The following HDAC7 variants were observed in gnomAD, a reference collection of about 807,000 sequenced individuals.
HDAC7 encodes the protein histone deacetylase 7.
Under a neutral mutation model 115.5 loss-of-function variants are expected in HDAC7, and 26 were observed. The ratio of observed to expected loss-of-function variants is 0.23; its 90% CI spans 0.16 to 0.31. The LOEUF (loss-of-function observed/expected upper bound fraction) is 0.31, where lower values mean the gene tolerates loss of function less well. Ranked by LOEUF, HDAC7 falls within the 10% of genes least tolerant of loss-of-function variation. The pLI, the probability that HDAC7 is intolerant of heterozygous loss-of-function variation, is 1.00. For missense variants in HDAC7, 1,068 were observed against 1,329.0 expected (o/e 0.80, Z 3.05); for synonymous variants, 564 against 550.9 (o/e 1.02, Z -0.33).
chr12:47,792,840 A>G, intron 13 of HDAC7: 1 of 376,984 alleles, frequency 2.7e-6, no homozygotes, highest in Non-Finnish European at 5.3e-6. Context: ...AGGATTCATA[A>G]TATGTTAACT....
chr12:47,790,815 T>G, intron 16 of HDAC7: 1 of 216,762 alleles, frequency 4.6e-6, no homozygotes, highest in Non-Finnish European at 9.4e-6. Flanking sequence ...AGTGCTGGGA[T>G]CGCCAAGGAC....
chr12:47,807,106 A>AT (rs1286807537), intron 1 of HDAC7, among the ~76,000 whole-genome samples: 2 of 151,928 alleles, frequency 1.3e-5, no homozygotes, highest in African/African-American at 4.8e-5. Context: ...AGCCCAGCTA[A>AT]TTTTTGTATT....
chr12:47,791,975 G>A lies in HDAC7; in HGVS notation c.1708C>T (p.His570Tyr). The change falls in exon 14 of 26, where the codon CAC becomes TAC. Residue 570 changes from histidine to tyrosine, a missense_variant. Transcript: ENST00000080059. ...GLIYDSVMLK[H>Y]QCSCGDNSRH... ...CTGTTGTCACCGCAGGAGCACTGGTGCTTCAGCATGACCGAGTCATAGATC... is the reference window on the plus strand; with the variant it reads ...CTGTTGTCACCGCAGGAGCACTGGTACTTCAGCATGACCGAGTCATAGATC... 1 of 1,610,784 alleles carries A rather than the reference G, an allele frequency of 6.2e-7. No individual in the cohort carries two copies. Among genetic ancestry groups the A allele is most frequent in the Non-Finnish European group, 8.5e-7 (1 of 1,178,524 alleles).
At position 47,793,242 on chromosome 12, in the gene HDAC7, C is replaced by T; in HGVS notation, c.1678+127G>A. 1.5e-6 allele frequency: 1 copy of T among 670,730 alleles called. No individual in the cohort carries two copies. 41.5% of individuals were successfully genotyped at this position (670,730 alleles called of 1,614,324 possible). On this transcript the variant is annotated intron_variant, in intron 13 of 25. Coordinates refer to ENST00000080059, the MANE Select transcript of HDAC7 (RefSeq NM_015401.5). The surrounding 1 kb of genome is among the most constrained non-coding windows in gnomAD (Gnocchi z 4.5). The stretch of plus-strand genomic sequence containing the variant: ...AGCTGTTCCATGTGCTCCATGGGTA[C>T]TACGTGGGCCTAACAAGGCTAAGCA...
chr12:47,808,765 T>A (rs556992315), intron 1 of HDAC7, among the ~76,000 whole-genome samples: 2 of 152,184 alleles, frequency 1.3e-5, no homozygotes, highest in Non-Finnish European at 2.9e-5. Context: ...GCTTATAGCC[T>A]GGCCTGCCCC....
intron 1 of HDAC7, chr12:47,819,049 C>G (rs753993905): frequency 6.6e-6 from 1 of 152,528 alleles, no homozygotes; most frequent in African/African-American, 2.4e-5. Context: ...CACATCCTGT[C>G]CCCCACCCCT....
At position 47,793,343 on chromosome 12, in the gene HDAC7, A is replaced by ACCCCCC; in HGVS notation, c.1678+25_1678+26insGGGGGG. 1.4e-6 allele frequency: 1 copy of ACCCCCC among 693,378 alleles called. No homozygotes were observed. Among genetic ancestry groups the ACCCCCC allele is most frequent in the East Asian group, 4.7e-5 (1 of 21,134 alleles). The allele number at this position is 693,378 out of a possible 1,614,324, so 43.0% of individuals were successfully genotyped here. A position where few individuals can be genotyped will look rare whatever the true frequency, so the allele number is the denominator to read the frequency against. On this transcript the variant is annotated intron_variant, in intron 13 of 25. Transcript: ENST00000080059. This position sits in a 1 kb window ranked among gnomAD's most constrained non-coding sequence, Gnocchi z 4.5. ...CTCGTGCAGCCGAGCCCCTCCCTCC[A>ACCCCCC]CCCGCCACCCTCCTCCCGGTCTCAC...
intron 1 of HDAC7, among the ~76,000 whole-genome samples, chr12:47,812,327 A>T (rs771173069): frequency 4.6e-5 from 7 of 152,196 alleles, no homozygotes; most frequent in Non-Finnish European, 1.0e-4. Context: ...TTTTTCTGTG[A>T]ACTGGGGCTA....
chr12:47,814,411 G>A (rs965791211), intron 1 of HDAC7, among the ~76,000 whole-genome samples: 2 of 152,264 alleles, frequency 1.3e-5, no homozygotes, highest in African/African-American at 4.8e-5. Flanking sequence ...GAAGGGACTT[G>A]GCACAGTAGT....
chr12:47,787,646 C>A, intron 21 of HDAC7, 66 bp downstream of exon 21: 1 of 1,153,898 alleles, frequency 8.7e-7, no homozygotes, highest in Non-Finnish European at 1.2e-6. Context: ...CACCTCCCCC[C>A]TGGTGCTCTT....
Position 47,798,138 on chromosome 12 carries a change from A to T in HDAC7, c.431T>A (p.Val144Asp), listed in dbSNP as rs1943967127. ...GGGAATGCCGGGGCTGTTGGGATGG[A>T]CTGTTCTTTCTAGGGCCGCCTGCTG... ...KKQQAALERT[V>D]HPNSPGIPYR... The change falls in exon 5 of 26, where the codon GTC (valine) becomes GAC (aspartate). Residue 144 changes from valine to aspartate, a missense_variant. Val to Asp is a radical substitution (Grantham distance 152). Coordinates refer to ENST00000080059, the MANE Select transcript of HDAC7 (RefSeq NM_015401.5). The surrounding 1 kb of genome is among the most constrained non-coding windows in gnomAD (Gnocchi z 4.3). The T allele has an allele frequency of 4.3e-6, 7 of 1,613,164 alleles. No homozygotes were observed. Among genetic ancestry groups the T allele is most frequent in the Non-Finnish European group, 5.9e-6 (7 of 1,179,652 alleles).
chr12:47,793,397 G>A lies in HDAC7; in HGVS notation c.1650C>T (p.Thr550=), dbSNP rs1196766692. Residue 550 remains threonine, a synonymous_variant, in exon 13 of 26, where the codon ACC becomes ACT. Transcript: ENST00000080059. The surrounding 1 kb of genome is among the most constrained non-coding windows in gnomAD (Gnocchi z 4.5). ...SQARVLSSSE[T]PARTLPFTTG... Reference sequence around the variant, plus strand: ...TGGTGAAGGGCAGGGTCCTGGCAGGGGTCTCTGAGCTGGAGAGGACTCGGG... The same window carrying A: ...TGGTGAAGGGCAGGGTCCTGGCAGGAGTCTCTGAGCTGGAGAGGACTCGGG... 7 of 1,554,846 alleles carry A rather than the reference G, an allele frequency of 4.5e-6. No individual in the cohort carries two copies. The highest frequency in any genetic ancestry group is 6.1e-6 in the Non-Finnish European group (7 of 1,148,786).
intron 13 of HDAC7, chr12:47,792,389 T>C: frequency 2.8e-6 from 1 of 352,268 alleles, no homozygotes; most frequent in Non-Finnish European, 5.5e-6. Context: ...CTCACACACG[T>C]GTCATGAACC....
chr12:47,794,710 C>T, intron 12 of HDAC7, 50 bp downstream of exon 12: 1 of 1,488,576 alleles, frequency 6.7e-7, no homozygotes, highest in Admixed American at 2.3e-5. Flanking sequence ...ATGCCAGGCC[C>T]CAGAGTCTTC....
At position 47,795,754 on chromosome 12, in the gene HDAC7, C is replaced by A. The variant is rs1943789131; in HGVS notation, c.920G>T (p.Arg307Leu). The A allele has an allele frequency of 2.0e-6, 3 of 1,535,674 alleles. No individual in the cohort carries two copies. Among genetic ancestry groups the A allele is most frequent in the Non-Finnish European group, 1.8e-6 (2 of 1,138,856 alleles). Residue 307 changes from arginine (R) to leucine (L), a missense_variant, in exon 10 of 26, where the codon CGC (arginine) becomes CTC (leucine). By Grantham distance (102) the Arg-to-Leu change is moderately radical. Around this residue, in one of 6 missense-constraint regions of HDAC7, gnomAD observed 618 missense variants for 701.5 expected, o/e 0.88. Transcript: ENST00000080059. The surrounding 1 kb of genome is among the most constrained non-coding windows in gnomAD (Gnocchi z 4.3). Reference protein sequence around the residue: ...LPAPARADSDRRTHPTLGPRG... With the variant: ...LPAPARADSDLRTHPTLGPRG... ...AGGGCCCAGAGTCGGATGGGTCCTG[C>A]GGTCACTGTCAGCCTGGGGGAGAGG...
At chr12:47,789,215 T>C (rs945337592) in intron 19 of HDAC7, 46 bp downstream of exon 19, 2 of 1,433,462 alleles carry the variant, frequency 1.4e-6, no homozygotes, top group Non-Finnish European at 9.8e-7. Flanking sequence ...TCAGGGCTTT[T>C]CCCCCAGGGC....
intron 8 of HDAC7, 64 bp from the exon 9 acceptor site, chr12:47,796,080 G>A: frequency 6.5e-7 from 1 of 1,527,674 alleles, no homozygotes; most frequent in South Asian, 1.2e-5. Context: ...ACCTTCCCCA[G>A]AACACCCAGG....
rs755661620 is a variant in HDAC7, at chr12:47,795,224, G to C, written c.1244C>G (p.Pro415Arg). The C allele has an allele frequency of 5.0e-6, 8 of 1,613,106 alleles. No homozygotes were observed. Among genetic ancestry groups the C allele is most frequent in the Non-Finnish European group, 6.8e-6 (8 of 1,179,450 alleles). Residue 415 changes from proline to arginine, a missense_variant, in exon 11 of 26, where the codon CCC (proline) becomes CGC (arginine). By Grantham distance (103) the Pro-to-Arg change is moderately radical (BLOSUM62 -2). Transcript: ENST00000080059. This position sits in a 1 kb window ranked among gnomAD's most constrained non-coding sequence, Gnocchi z 4.3. The part of the protein sequence containing the change: ...TAPPPPGPMQ[P>R]RLEQLKTHVQ... ...GTGAGTTTTGAGCTGCTCCAGGCGG[G>C]GCTGCATGGGGCCCGGCGGTGGGGG...
rs1378361335 is a variant in HDAC7 at position 47,797,967 on chromosome 12, G to T, written c.461+141C>A. ...GGTATCAGTTGAGAGAGGGGCTCGGGGGCATTATGTTTAGAGGAAGGGTAA... is the reference window on the plus strand; with the variant it reads ...GGTATCAGTTGAGAGAGGGGCTCGGTGGCATTATGTTTAGAGGAAGGGTAA... On this transcript the variant is annotated intron_variant, in intron 5 of 25. Coordinates refer to ENST00000080059, the MANE Select transcript of HDAC7 (RefSeq NM_015401.5). This position sits in a 1 kb window ranked among gnomAD's most constrained non-coding sequence, Gnocchi z 5.5. The T allele has an allele frequency of 7.0e-6, 5 of 709,326 alleles. No individual in the cohort carries two copies. Among genetic ancestry groups the T allele is most frequent in the East Asian group, 4.9e-5 (2 of 40,416 alleles). 43.9% of individuals were successfully genotyped at this position (709,326 alleles called of 1,614,324 possible).
Sources: gnomAD v4.1 joint callset for allele counts (sites outside exome capture counted in the v4.1 genomes callset) on GRCh38, gnomAD v4.1.1 for gene constraint, gnomAD v4.1.1 regional missense constraint, Gnocchi (gnomAD v3.1) non-coding constraint, MANE v1.5 for transcripts, NCBI Gene and HGNC (gene_info 2026-07-23, HGNC 2026-07-21) for gene names.